Variants in VTCN1 observed in about 807,000 individuals in gnomAD.
The protein encoded by VTCN1 is V-set domain-containing T-cell activation inhibitor 1.
Under a neutral mutation model 26.5 loss-of-function variants are expected in VTCN1, and 26 were observed. The observed-to-expected ratio is 0.98, with a 90% confidence interval of 0.72 to 1.36. The LOEUF is 1.36. Ranked by LOEUF, VTCN1 falls within the 40% of genes most tolerant of loss-of-function variation. The pLI is 0.00. For missense variants in VTCN1, 298 were observed against 337.7 expected, an observed-to-expected ratio of 0.88 and a Z score of 0.92; for synonymous variants, 116 against 130.7, an observed-to-expected ratio of 0.89 and a Z score of 0.77.
At chr1:117,157,114 TAG>T (rs1557862218) in intron 2 of VTCN1, 193 bp from the exon 3 acceptor site, 3 of 596,058 alleles carry the variant, frequency 5.0e-6, no homozygotes, top group Non-Finnish European at 7.4e-6. Context: ...TATATATATA[TAG>T]CAGATCTGTC....
intron 1 of VTCN1, among the ~76,000 whole-genome samples, chr1:117,209,726 C>T (rs1348918951): frequency 6.6e-6 from 1 of 152,210 alleles, no homozygotes; most frequent in African/African-American, 2.4e-5. Flanking sequence ...AGAAGTGCCG[C>T]TGCAGCCACC....
At chr1:117,150,383 A>G (rs928011222) in intron 4 of VTCN1, among the ~76,000 whole-genome samples, 2 of 152,240 alleles carry the variant, frequency 1.3e-5, no homozygotes, top group African/African-American at 2.4e-5. Flanking sequence ...AAGAATCTCA[A>G]TGGGATTTAA....
intron 1 of VTCN1, among the ~76,000 whole-genome samples, chr1:117,196,573 T>C (rs1349229016): frequency 2.6e-5 from 4 of 151,888 alleles, no homozygotes; most frequent in African/African-American, 9.7e-5. Context: ...GGAAAACATA[T>C]GTTAAAAAAG....
At chr1:117,199,926 G>A (rs562432779) in intron 1 of VTCN1, among the ~76,000 whole-genome samples, 5 of 152,260 alleles carry the variant, frequency 3.3e-5, no homozygotes, top group East Asian at 3.9e-4. Context: ...GAGCCACCAC[G>A]CCCAGCCTGC....
intron 4 of VTCN1, among the ~76,000 whole-genome samples, chr1:117,150,398 CT>C (rs1350282672): frequency 2.0e-5 from 3 of 152,158 alleles, no homozygotes; most frequent in Non-Finnish European, 4.4e-5. Flanking sequence ...ATTTAAGTTC[CT>C]GGTTCCAGTT....
chr1:117,144,130 A>C lies in VTCN1; in HGVS notation c.*1141T>G, dbSNP rs1335384988. On this transcript the variant is annotated 3_prime_UTR_variant, in exon 6 of 6. Coordinates refer to ENST00000369458, the MANE Select transcript of VTCN1 (RefSeq NM_024626.4). ...ACAGAATGCTTATTTGCCAATGACT[A>C]ATGTGAGGAAGCAGACAGATTTGTT... The C allele has an allele frequency of 6.6e-5, 10 of 152,190 alleles. No individual in the cohort carries two copies. The highest frequency in any genetic ancestry group is 5.9e-4 in the Admixed American group (9 of 15,270). 9.4% of individuals were successfully genotyped at this position (152,190 alleles called of 1,614,324 possible). A position where few individuals can be genotyped will look rare whatever the true frequency, so the allele number is the denominator to read the frequency against.
intron 1 of VTCN1, chr1:117,173,346 G>T: frequency 3.7e-6 from 2 of 537,056 alleles, no homozygotes; most frequent in Non-Finnish European, 6.7e-6. Flanking sequence ...TATAAAAAGG[G>T]GAAATTTGGA....
At chr1:117,154,008 A>C (rs1189771079) in intron 3 of VTCN1, among the ~76,000 whole-genome samples, 1 of 152,236 alleles carries the variant, frequency 6.6e-6, no homozygotes, top group Non-Finnish European at 1.5e-5. Context: ...ATATCCAGGC[A>C]GAGAGACAGT....
At chr1:117,178,259 C>CTTTTTTTTT (rs1194911017) in intron 1 of VTCN1, among the ~76,000 whole-genome samples, 2 of 108,364 alleles carry the variant, frequency 1.8e-5, no homozygotes, top group Admixed American at 9.4e-5. Flanking sequence ...TCTTTTTTTT[C>CTTTTTTTTT]TTTTTTTTTT....
intron 1 of VTCN1, among the ~76,000 whole-genome samples, chr1:117,209,070 T>C (rs974135287): frequency 6.6e-6 from 1 of 152,208 alleles, no homozygotes; most frequent in Non-Finnish European, 1.5e-5. Flanking sequence ...GCCCTCTTCC[T>C]GGAGGTCCCT....
chr1:117,188,107 C>A (rs537511696), intron 1 of VTCN1, among the ~76,000 whole-genome samples: 2 of 152,260 alleles, frequency 1.3e-5, no homozygotes, highest in East Asian at 3.9e-4. Flanking sequence ...AAATACAAAG[C>A]TTAACTTGAA....
intron 1 of VTCN1, among the ~76,000 whole-genome samples, chr1:117,179,757 G>C (rs1007950196): frequency 1.1e-4 from 16 of 152,158 alleles, no homozygotes; most frequent in African/African-American, 3.4e-4. Context: ...TAAAACCTTT[G>C]TTAATCATAT....
At chr1:117,206,742 G>A (rs942319329) in intron 1 of VTCN1, among the ~76,000 whole-genome samples, 2 of 152,202 alleles carry the variant, frequency 1.3e-5, no homozygotes, top group Non-Finnish European at 2.9e-5. Flanking sequence ...ACTTCAAAGT[G>A]GAGGTGGCAT....
At position 117,153,369 on chromosome 1, in the gene VTCN1, G is replaced by A; in HGVS notation, c.446C>T (p.Ala149Val). The stretch of plus-strand genomic sequence containing the variant: ...CACATTCACTTCCGGCATGCTGAAG[G>A]CTGCAGGGTCAAAAGTCAGAAAGGG... ...GNANLEYKTG[A>V]FSMPEVNVDY... is the part of the protein sequence containing the mutation. Residue 149 changes from alanine to valine, a missense_variant and splice_region_variant, in exon 4 of 6, where the codon GCC becomes GTC. Physicochemically the swap from Ala to Val is moderately conservative, Grantham distance 64. Transcript: ENST00000369458. 1 of 1,600,942 alleles carries A rather than the reference G, an allele frequency of 6.2e-7. No homozygotes were observed. Among genetic ancestry groups the A allele is most frequent in the Non-Finnish European group, 8.5e-7 (1 of 1,170,272 alleles).
chr1:117,209,723 C>T lies in VTCN1; in HGVS notation c.32+1101G>A, dbSNP rs558336142. 5.6e-4 allele frequency among the ~76,000 whole-genome samples: 86 copies of T among 152,352 alleles called. 1 individual carries two copies. The highest frequency in any genetic ancestry group is 5.0e-3 in the Admixed American group (76 of 15,308). On this transcript the variant is annotated intron_variant, in intron 1 of 5. Transcript: ENST00000369458. ...AGGCACAGGGGTGGGGGCAGAAGTG[C>T]CGCTGCAGCCACCCCCACCAGCCCT...
At chr1:117,203,272 A>G (rs1648878218) in intron 1 of VTCN1, among the ~76,000 whole-genome samples, 2 of 151,852 alleles carry the variant, frequency 1.3e-5, no homozygotes, top group Non-Finnish European at 2.9e-5. Flanking sequence ...GGGTTGTAAG[A>G]GGATTGAAGA....
chr1:117,148,977 AAGG>A (rs1460530853), intron 4 of VTCN1, among the ~76,000 whole-genome samples: 1 of 152,132 alleles, frequency 6.6e-6, no homozygotes, highest in Non-Finnish European at 1.5e-5. Flanking sequence ...CAAAAAGAAA[AAGG>A]AGGAGCTGAG....
chr1:117,202,319 G>A (rs1034133769), intron 1 of VTCN1, among the ~76,000 whole-genome samples: 4 of 152,138 alleles, frequency 2.6e-5, no homozygotes, highest in Admixed American at 2.6e-4. Context: ...CAGCAACCGG[G>A]TATAGAGAAA....
At chr1:117,156,144 G>T (rs1438061985) in intron 3 of VTCN1, among the ~76,000 whole-genome samples, 1 of 152,194 alleles carries the variant, frequency 6.6e-6, no homozygotes, top group Non-Finnish European at 1.5e-5. Flanking sequence ...ATAGGACAAT[G>T]TTGTTTTCGT....
Sources: allele counts gnomAD v4.1 joint callset (sites outside exome capture counted in the v4.1 genomes callset), GRCh38; gene constraint gnomAD v4.1.1; transcripts MANE v1.5; gene names NCBI Gene and HGNC (gene_info 2026-07-23, HGNC 2026-07-21).